EPC2: variants seen among roughly 807,000 people sequenced by gnomAD.
EPC2 encodes the protein enhancer of polycomb homolog 2.
In EPC2, 14 loss-of-function variants were observed where a neutral mutation model predicts 92.1. The observed-to-expected ratio is 0.15, with a 90% confidence interval of 0.10 to 0.24. The LOEUF (loss-of-function observed/expected upper bound fraction) is 0.24. EPC2 is among the 10% of genes least tolerant of loss of function. EPC2 has a pLI of 1.00. For missense variants in EPC2, 755 were observed against 971.5 expected (o/e 0.78, Z 2.96); for synonymous variants, 340 against 334.7 (o/e 1.02, Z -0.17).
At chr2:148,647,092 A>G (rs1683819015) in intron 1 of EPC2, among the ~76,000 whole-genome samples, 1 of 152,256 alleles carries the variant, frequency 6.6e-6, no homozygotes, top group South Asian at 2.1e-4. Context: ...CCTGGGGGAC[A>G]GAGCGAGACT....
intron 1 of EPC2, among the ~76,000 whole-genome samples, chr2:148,652,469 T>C (rs560712703): frequency 9.2e-5 from 14 of 152,350 alleles, no homozygotes; most frequent in African/African-American, 3.4e-4. Flanking sequence ...TCACACTTAT[T>C]AATTTTCAAA....
At chr2:148,699,818 A>G (rs1681836671) in intron 2 of EPC2, among the ~76,000 whole-genome samples, 1 of 152,188 alleles carries the variant, frequency 6.6e-6, no homozygotes, top group African/African-American at 2.4e-5. Flanking sequence ...TGCATGCCAA[A>G]GTGGCTGTAC....
chr2:148,657,173 C>G (rs188297069), intron 1 of EPC2, among the ~76,000 whole-genome samples: 1 of 151,808 alleles, frequency 6.6e-6, no homozygotes, highest in African/African-American at 2.4e-5. Context: ...GAAACTGTTA[C>G]GGAGGATGGA....
chr2:148,725,279 G>C (rs1682471183), intron 2 of EPC2, among the ~76,000 whole-genome samples: 1 of 151,754 alleles, frequency 6.6e-6, no homozygotes, highest in Non-Finnish European at 1.5e-5. Context: ...ATAATATAAT[G>C]AATTCTATCT....
chr2:148,716,108 TAAG>T (rs1682256349), intron 2 of EPC2, among the ~76,000 whole-genome samples: 1 of 152,212 alleles, frequency 6.6e-6, no homozygotes, highest in Admixed American at 6.5e-5. Context: ...CTTATAAGCT[TAAG>T]AAGCTTTTGG....
chr2:148,664,165 T>C (rs1222684728), intron 1 of EPC2, among the ~76,000 whole-genome samples: 1 of 152,198 alleles, frequency 6.6e-6, no homozygotes, highest in Non-Finnish European at 1.5e-5. Flanking sequence ...ATAGTGACAT[T>C]ATTTTAGCCA....
In EPC2 at chr2:148,720,462, C is replaced by T. The variant is rs186979346; in HGVS notation, c.314-23160C>T. On this transcript the variant is annotated intron_variant, in intron 2 of 13. Coordinates refer to ENST00000258484, the MANE Select transcript of EPC2 (RefSeq NM_015630.4). ...CAACTTTCTGGATTCCAACCCCTCT[C>T]GGGGGGTATATGTGGACCTCCCGCC... is the stretch of plus-strand genomic sequence containing the variant. Among the ~76,000 whole-genome samples the T allele has an allele frequency of 8.8e-3, 1,336 of 152,242 alleles. 82 individuals are homozygous for T. The highest frequency in any genetic ancestry group is 0.082 in the Admixed American group (1,259 of 15,298).
At chr2:148,651,319 C>T (rs1680677227) in intron 1 of EPC2, among the ~76,000 whole-genome samples, 1 of 152,164 alleles carries the variant, frequency 6.6e-6, no homozygotes, top group Non-Finnish European at 1.5e-5. Context: ...GAGGATAGCA[C>T]TCTGATGTTG....
chr2:148,657,060 A>AT (rs770253581), intron 1 of EPC2, among the ~76,000 whole-genome samples: 4 of 152,016 alleles, frequency 2.6e-5, no homozygotes, highest in Non-Finnish European at 4.4e-5. Flanking sequence ...CAGTAGAGTT[A>AT]TTAAGAGAGT....
chr2:148,674,933 G>A (rs16829143), intron 1 of EPC2, among the ~76,000 whole-genome samples: 28,216 of 152,078 alleles, frequency 0.19, 3,566 homozygotes, highest in East Asian at 0.48. Context: ...TAACTTCGTA[G>A]TCTTTTGTTC....
intron 2 of EPC2, among the ~76,000 whole-genome samples, chr2:148,701,244 C>G (rs572123146): frequency 6.6e-6 from 1 of 152,254 alleles, no homozygotes; most frequent in East Asian, 1.9e-4. Context: ...AATCTGTATA[C>G]TTTTTATTTC....
At chr2:148,744,989 G>GAC (rs1682952853) in intron 3 of EPC2, among the ~76,000 whole-genome samples, 1 of 46,296 alleles carries the variant, frequency 2.2e-5, no homozygotes, top group Non-Finnish European at 4.9e-5. Flanking sequence ...CTATCAGTTT[G>GAC]CCCCCCCCCC....
chr2:148,718,168 G>A (rs13015372), intron 2 of EPC2, among the ~76,000 whole-genome samples: 27,830 of 152,096 alleles, frequency 0.18, 3,295 homozygotes, highest in East Asian at 0.5. Context: ...TGAAGGTAGC[G>A]TAGCAATGGG....
At chr2:148,776,969 C>T (rs1240596274) in intron 10 of EPC2, among the ~76,000 whole-genome samples, 1 of 148,732 alleles carries the variant, frequency 6.7e-6, no homozygotes, top group African/African-American at 2.5e-5. Context: ...AAGCAATTTT[C>T]GTGCATCAGC....
intron 1 of EPC2, among the ~76,000 whole-genome samples, chr2:148,650,704 AATTACT>A (rs1187242203): frequency 1.3e-5 from 2 of 152,184 alleles, no homozygotes; most frequent in Non-Finnish European, 2.9e-5. Context: ...ACCTTTTCAG[AATTACT>A]ATTGGCACTA....
chr2:148,668,618 A>G (rs1409997429), intron 1 of EPC2, among the ~76,000 whole-genome samples: 2 of 152,214 alleles, frequency 1.3e-5, no homozygotes, highest in African/African-American at 2.4e-5. Flanking sequence ...TTTAATACGT[A>G]TAAGGCTAAC....
chr2:148,776,854 CTCT>C (rs1252382036), intron 10 of EPC2, among the ~76,000 whole-genome samples: 3 of 90,052 alleles, frequency 3.3e-5, no homozygotes, highest in African/African-American at 7.8e-5. Flanking sequence ...CTGTCTCTCT[CTCT>C]TTTTTTTTTT....
At chr2:148,713,320 G>T (rs898035542) in intron 2 of EPC2, among the ~76,000 whole-genome samples, 25 of 151,906 alleles carry the variant, frequency 1.6e-4, no homozygotes, top group Non-Finnish European at 5.9e-5. Flanking sequence ...TAGGCTAATG[G>T]GTGTGTTTAT....
At chr2:148,732,884 T>C (rs1682667054) in intron 2 of EPC2, among the ~76,000 whole-genome samples, 1 of 151,812 alleles carries the variant, frequency 6.6e-6, no homozygotes, top group African/African-American at 2.4e-5. Context: ...GACATATTTG[T>C]ATTTTTCATA....
Sources: allele counts gnomAD v4.1 joint callset (sites outside exome capture counted in the v4.1 genomes callset), GRCh38; gene constraint gnomAD v4.1.1; transcripts MANE v1.5; gene names NCBI Gene and HGNC (gene_info 2026-07-23, HGNC 2026-07-21).